DSP: variants seen among roughly 807,000 people sequenced by gnomAD.
DSP encodes the protein 250/210 kDa paraneoplastic pemphigus antigen.
A neutral mutation model predicts 290.6 loss-of-function variants in DSP; 114 were observed. That is an observed-to-expected ratio of 0.39 (90% confidence interval 0.34 to 0.46). The LOEUF (loss-of-function observed/expected upper bound fraction) is 0.46, where lower values mean the gene tolerates loss of function less well. Ranked by LOEUF, DSP falls within the 20% of genes least tolerant of loss-of-function variation. The probability of loss-of-function intolerance (pLI) is 0.99; values close to 1 mark genes in which losing one functional copy is unlikely to be tolerated. For synonymous variants in DSP, 1,311 were observed against 1,316.4 expected, an observed-to-expected ratio of 1.00 and a Z score of 0.09; for missense variants, 3,230 against 3,495.8, an observed-to-expected ratio of 0.92 and a Z score of 1.92.
Position 7,541,804 on chromosome 6 carries a change from TCCCG to T in DSP, c.-107_-104del. The T allele has an allele frequency of 7.2e-7, 1 of 1,398,262 alleles. No individual in the cohort carries two copies. Among genetic ancestry groups the T allele is most frequent in the South Asian group, 1.4e-5 (1 of 70,616 alleles). The allele number at this position is 1,398,262 out of a possible 1,614,324, so 86.6% of individuals were successfully genotyped here. ...CAGCGACCTCGCGAGCCTTCCGCAC[TCCCG>T]CCCGGTTCCCCGGCCGTCCGCCTAT... On this transcript the variant is annotated 5_prime_UTR_variant, in exon 1 of 24. Transcript: ENST00000379802.
In DSP at chr6:7,567,877, C is replaced by T. The variant is rs767210417; in HGVS notation, c.1237C>T (p.His413Tyr). 6.2e-7 allele frequency: 1 copy of T among 1,613,992 alleles called. No homozygotes were observed. The highest frequency in any genetic ancestry group is 1.1e-5 in the South Asian group (1 of 91,078). Residue 413 changes from histidine to tyrosine, a missense_variant, in exon 10 of 24, where the codon CAC becomes TAC. Around this residue, in one of 5 missense-constraint regions of DSP, gnomAD observed 646 missense variants for 684.3 expected, o/e 0.94. Coordinates refer to ENST00000379802, the MANE Select transcript of DSP (RefSeq NM_004415.4). ...YPCDKNMPLQ[H>Y]LLEQIKELEK... ...CTGCGACAAGAACATGCCCCTGCAG[C>T]ACCTGCTGGAACAGATCAAGGAGCT...
rs1759470610 is a variant in DSP, at chr6:7,582,538, T to C, written c.5380-104T>C. 1 of 701,162 alleles carries C rather than the reference T, an allele frequency of 1.4e-6. No homozygotes were observed. Among genetic ancestry groups the C allele is most frequent in the Non-Finnish European group, 2.2e-6 (1 of 463,202 alleles). 43.4% of individuals were successfully genotyped at this position (701,162 alleles called of 1,614,324 possible). A position where few individuals can be genotyped will look rare whatever the true frequency, so the allele number is the denominator to read the frequency against. ...TATAGAAAGAAAAAATAAGCAAGGC[T>C]TTTTTTTTTAAAGATAGATACACAA... On this transcript the variant is annotated intron_variant, in intron 23 of 23. Transcript: ENST00000379802. The surrounding 1 kb of genome is among the most constrained non-coding windows in gnomAD (Gnocchi z 4.2).
At position 7,583,941 on chromosome 6, in the gene DSP, A is replaced by G. The variant is rs2113700878; in HGVS notation, c.6679A>G (p.Ile2227Val). Residue 2227 changes from isoleucine to valine, a missense_variant, in exon 24 of 24, where the codon ATA (isoleucine) becomes GTA (valine). Physicochemically the swap from Ile to Val is conservative, Grantham distance 29. This residue lies in a region of DSP where 207 missense variants were observed against 281.2 expected (regional missense o/e 0.74). Transcript: ENST00000379802. This position sits in a 1 kb window ranked among gnomAD's most constrained non-coding sequence, Gnocchi z 4.0. ...VTVTELVDSGILRPSTVNELE... is the reference protein window; with the variant it reads ...VTVTELVDSGVLRPSTVNELE... ...CGTCACTGAGCTAGTAGATTCTGGTATATTGAGACCGTCCACTGTCAATGA... is the reference window on the plus strand; with the variant it reads ...CGTCACTGAGCTAGTAGATTCTGGTGTATTGAGACCGTCCACTGTCAATGA... The G allele has an allele frequency of 6.2e-7, 1 of 1,614,186 alleles. No homozygotes were observed. Among genetic ancestry groups the G allele is most frequent in the East Asian group, 2.2e-5 (1 of 44,884 alleles).
rs942768771 is a variant in DSP at position 7,585,564 on chromosome 6, A to G, written c.8302A>G (p.Ser2768Gly). 4 of 1,614,098 alleles carry G rather than the reference A, an allele frequency of 2.5e-6. No individual in the cohort carries two copies. In the African/African-American group the frequency reaches 5.3e-5, roughly 22 times the overall value. ...CGCCGCACAGAGGCTGCAAGACACC[A>G]GCAGCTATGCCAAAATCCTGACCTG... ...GRAAQRLQDT[S>G]SYAKILTCPK... Residue 2768 changes from serine (S) to glycine (G), a missense_variant, in exon 24 of 24, where the codon AGC becomes GGC. Around this residue, in one of 5 missense-constraint regions of DSP, gnomAD observed 582 missense variants for 555.4 expected, o/e 1.05. Transcript: ENST00000379802.
At chr6:7,567,598 C>A in intron 9 of DSP, 149 bp downstream of exon 9, 2 of 1,157,788 alleles carry the variant, frequency 1.7e-6, no homozygotes, top group Admixed American at 1.9e-5. Context: ...AGATTTGCAA[C>A]CTTGCCATCA....
Position 7,565,858 on chromosome 6 carries a change from A to C in DSP, c.939+338A>C, listed in dbSNP as rs1561685765. On this transcript the variant is annotated intron_variant, in intron 7 of 23. Transcript: ENST00000379802. This position sits in a 1 kb window ranked among gnomAD's most constrained non-coding sequence, Gnocchi z 4.2. The stretch of plus-strand genomic sequence containing the variant: ...TGGAGGTGGAAGGAGGGAGAGGATC[A>C]GGCAAGATAACTAATGGGTACTAGG... 1 of 393,858 alleles carries C rather than the reference A, an allele frequency of 2.5e-6. No homozygotes were observed. Among genetic ancestry groups the C allele is most frequent in the Non-Finnish European group, 4.8e-6 (1 of 207,310 alleles). The allele number at this position is 393,858 out of a possible 1,614,324, so 24.4% of individuals were successfully genotyped here. A position where few individuals can be genotyped will look rare whatever the true frequency, so the allele number is the denominator to read the frequency against.
At chr6:7,543,071 G>T (rs2113632475) in intron 1 of DSP, among the ~76,000 whole-genome samples, 1 of 152,258 alleles carries the variant, frequency 6.6e-6, no homozygotes, top group Admixed American at 6.5e-5. Flanking sequence ...GGTGGGTGGG[G>T]AAGAGATCCT....
At chr6:7,553,753 G>C (rs1360305146) in intron 1 of DSP, among the ~76,000 whole-genome samples, 2 of 152,162 alleles carry the variant, frequency 1.3e-5, no homozygotes, top group African/African-American at 2.4e-5. Context: ...GGTGGTGGGT[G>C]GGGGCAGTCT....
At position 7,581,058 on chromosome 6, in the gene DSP, C is replaced by G. The variant is rs908086952; in HGVS notation, c.4868C>G (p.Ser1623Cys). ...TNLTQQLEQASIVKKRSEDDL... is the reference protein window; with the variant it reads ...TNLTQQLEQACIVKKRSEDDL... ...CTGACCCAGCAGCTGGAGCAGGCAT[C>G]CATTGTTAAGAAGAGGAGTGAGGAT... The change falls in exon 23 of 24, where the codon TCC (serine) becomes TGC (cysteine). Residue 1623 changes from serine to cysteine, a missense_variant. Physicochemically the swap from Ser to Cys is moderately radical, Grantham distance 112 (BLOSUM62 -1). Around this residue, in one of 5 missense-constraint regions of DSP, gnomAD observed 1,714 missense variants for 1,844.5 expected, o/e 0.93. Transcript: ENST00000379802. 7 of 1,614,004 alleles carry G rather than the reference C, an allele frequency of 4.3e-6. No individual in the cohort carries two copies. The African/African-American group carries it at 8.0e-5, about 18-fold the overall frequency.
At chr6:7,567,595 C>T (rs1758900205) in intron 9 of DSP, 146 bp downstream of exon 9, 12 of 1,145,152 alleles carry the variant, frequency 1.0e-5, no homozygotes, top group South Asian at 1.0e-4. Context: ...CATAGATTTG[C>T]AACCTTGCCA....
intron 22 of DSP, 31 bp downstream of exon 22, chr6:7,578,593 A>G (rs1181596510): frequency 6.6e-7 from 1 of 1,512,530 alleles, no homozygotes; most frequent in Non-Finnish European, 9.2e-7. Context: ...TTGTAGCGTC[A>G]AAAAAGAAAA....
chr6:7,580,824 T>C lies in DSP; in HGVS notation c.4634T>C (p.Val1545Ala), dbSNP rs781008534. The C allele has an allele frequency of 1.2e-6, 2 of 1,613,940 alleles. No individual in the cohort carries two copies. Among genetic ancestry groups the C allele is most frequent in the South Asian group, 2.2e-5 (2 of 91,072 alleles). Residue 1545 changes from valine (V) to alanine (A), a missense_variant, in exon 23 of 24, where the codon GTT becomes GCT. By Grantham distance (64) the Val-to-Ala change is moderately conservative. This residue lies in a region of DSP where 1,714 missense variants were observed against 1,844.5 expected (regional missense o/e 0.93). Coordinates refer to ENST00000379802, the MANE Select transcript of DSP (RefSeq NM_004415.4). The surrounding 1 kb of genome is among the most constrained non-coding windows in gnomAD (Gnocchi z 4.2). ...CGCCTGAGGATCGACTATGAAAGGG[T>C]TTCCCAGGAGAGGACTGTGAAGGAC... ...LTRLRIDYER[V>A]SQERTVKDQD...
At chr6:7,572,684 A>G (rs569673581) in intron 15 of DSP, among the ~76,000 whole-genome samples, 2 of 152,336 alleles carry the variant, frequency 1.3e-5, no homozygotes, top group African/African-American at 4.8e-5. Flanking sequence ...CACAGCTACA[A>G]TGCAGAGTAC....
In DSP at chr6:7,582,639, C is replaced by T; in HGVS notation, c.5380-3C>T. On this transcript the variant is annotated splice_polypyrimidine_tract_variant and splice_region_variant and intron_variant, in intron 23 of 23. Transcript: ENST00000379802. The surrounding 1 kb of genome is among the most constrained non-coding windows in gnomAD (Gnocchi z 4.2). Reference sequence around the variant, plus strand: ...TTCCCATTTCTTTCTTCTTCAATTCCAGGCATCTAATAGGATTCAGGAATC... The same window carrying T: ...TTCCCATTTCTTTCTTCTTCAATTCTAGGCATCTAATAGGATTCAGGAATC... The T allele has an allele frequency of 6.2e-7, 1 of 1,610,130 alleles. No homozygotes were observed. The highest frequency in any genetic ancestry group is 8.5e-7 in the Non-Finnish European group (1 of 1,176,698).
At chr6:7,542,666 G>A (rs1187898048) in intron 1 of DSP, among the ~76,000 whole-genome samples, 2 of 152,136 alleles carry the variant, frequency 1.3e-5, no homozygotes, top group African/African-American at 2.4e-5. Context: ...GCGGGGTCCT[G>A]TCCCGAGGAG....
chr6:7,583,921 C>G lies in DSP; in HGVS notation c.6659C>G (p.Thr2220Ser). Residue 2220 changes from threonine to serine, a missense_variant, in exon 24 of 24, where the codon ACT becomes AGT. Thr to Ser is a moderately conservative substitution (Grantham distance 58). Coordinates refer to ENST00000379802, the MANE Select transcript of DSP (RefSeq NM_004415.4). The surrounding 1 kb of genome is among the most constrained non-coding windows in gnomAD (Gnocchi z 4.0). ...GGAATCAGACAACCTGTGACCGTCA[C>G]TGAGCTAGTAGATTCTGGTATATTG... ...FQGIRQPVTV[T>S]ELVDSGILRP... is the part of the protein sequence containing the mutation. 6.2e-7 allele frequency: 1 copy of G among 1,614,158 alleles called. No individual in the cohort carries two copies. Among genetic ancestry groups the G allele is most frequent in the Non-Finnish European group, 8.5e-7 (1 of 1,180,042 alleles).
chr6:7,549,542 A>G (rs1252618125), intron 1 of DSP, among the ~76,000 whole-genome samples: 1 of 152,234 alleles, frequency 6.6e-6, no homozygotes, highest in Admixed American at 6.5e-5. Context: ...CTCAAACAAA[A>G]TAGTATATGT....
At position 7,576,318 on chromosome 6, in the gene DSP, C is replaced by G; in HGVS notation, c.2655C>G (p.Ile885Met). The change falls in exon 19 of 24, where the codon ATC becomes ATG. Residue 885 changes from isoleucine to methionine, a missense_variant. Transcript: ENST00000379802. ...GGTTATGGGACCTGGAGAAACAAAT[C>G]AAGCAATTGAGGAATTATCGTGATA... ...DFRLWDLEKQ[I>M]KQLRNYRDNY... 1.2e-6 allele frequency: 2 copies of G among 1,614,060 alleles called. No homozygotes were observed. Among genetic ancestry groups the G allele is most frequent in the Non-Finnish European group, 1.7e-6 (2 of 1,179,974 alleles).
chr6:7,547,652 G>A (rs534297777), intron 1 of DSP, among the ~76,000 whole-genome samples: 1 of 151,428 alleles, frequency 6.6e-6, no homozygotes, highest in Non-Finnish European at 1.5e-5. Context: ...GCCCAGGCTG[G>A]TCTTGAACTC....
Sources: allele counts gnomAD v4.1 joint callset (sites outside exome capture counted in the v4.1 genomes callset), GRCh38; gene constraint gnomAD v4.1.1; regional missense constraint gnomAD v4.1.1; non-coding constraint Gnocchi (gnomAD v3.1); transcripts MANE v1.5; gene names NCBI Gene and HGNC (gene_info 2026-07-23, HGNC 2026-07-21).